PLA2R1: variants seen among roughly 807,000 people sequenced by gnomAD.
PLA2R1 encodes the protein secretory phospholipase A2 receptor.
In PLA2R1, 158 loss-of-function variants were observed where a neutral mutation model predicts 195.9. The ratio of observed to expected loss-of-function variants is 0.81; its 90% CI spans 0.71 to 0.92. The LOEUF (loss-of-function observed/expected upper bound fraction) is 0.92. PLA2R1 is among the 40% of genes least tolerant of loss of function. PLA2R1 has a pLI of 0.00. For synonymous variants in PLA2R1, 586 were observed against 598.2 expected (o/e 0.98, Z 0.30); for missense variants, 1,626 against 1,764.6 (o/e 0.92, Z 1.41).
chr2:159,926,557 G>T, the PLA2R1 span, among the ~76,000 whole-genome samples: 1 of 152,146 alleles, frequency 6.6e-6, no homozygotes, highest in Non-Finnish European at 1.5e-5. Flanking sequence ...AAAATGAAAT[G>T]GAAAGTTGGG....
chr2:159,934,832 A>C lies in PLA2R1; in HGVS notation c.*6946T>G, dbSNP rs1433285044. 7.9e-5 allele frequency: 12 copies of C among 152,334 alleles called. No homozygotes were observed. In the East Asian group the frequency reaches 2.3e-3, roughly 29 times the overall value. 9.4% of individuals were successfully genotyped at this position (152,334 alleles called of 1,614,324 possible). A position where few individuals can be genotyped will look rare whatever the true frequency, so the allele number is the denominator to read the frequency against. On this transcript the variant is annotated 3_prime_UTR_variant, in exon 30 of 30. Coordinates refer to ENST00000283243, the MANE Select transcript of PLA2R1 (RefSeq NM_007366.5). ...AAAACAAAGAAACTAATACTGGTAC[A>C]ATACTATTAATTAAACCATAGACTT...
intron 1 of PLA2R1, among the ~76,000 whole-genome samples, chr2:160,046,954 C>T (rs1315459123): frequency 1.3e-5 from 2 of 152,174 alleles, no homozygotes; most frequent in Non-Finnish European, 2.9e-5. Context: ...TTGTAACCTA[C>T]TAATCACTTT....
At chr2:160,003,676 T>C (rs904497633) in intron 11 of PLA2R1, among the ~76,000 whole-genome samples, 3 of 152,208 alleles carry the variant, frequency 2.0e-5, no homozygotes, top group African/African-American at 7.2e-5. Flanking sequence ...GCTGCCACTC[T>C]CAAATTTTGT....
At chr2:159,991,439 CTTTT>C (rs34466452) in intron 11 of PLA2R1, among the ~76,000 whole-genome samples, 2 of 136,022 alleles carry the variant, frequency 1.5e-5, no homozygotes, top group African/African-American at 2.7e-5. Context: ...CACTTTCTTT[CTTTT>C]TTTTTTTTTT....
the PLA2R1 span, among the ~76,000 whole-genome samples, chr2:159,926,663 G>A: frequency 6.6e-6 from 1 of 152,174 alleles, no homozygotes; most frequent in Non-Finnish European, 1.5e-5. Flanking sequence ...CCAGGAAATG[G>A]GTGGCTCACT....
At chr2:160,023,658 T>C (rs887497719) in intron 6 of PLA2R1, among the ~76,000 whole-genome samples, 1 of 152,352 alleles carries the variant, frequency 6.6e-6, no homozygotes, top group South Asian at 2.1e-4. Flanking sequence ...TCTTTATTCC[T>C]TTACTTTCCT....
chr2:159,959,410 AAT>A (rs2105183593), intron 20 of PLA2R1, among the ~76,000 whole-genome samples: 1 of 152,294 alleles, frequency 6.6e-6, no homozygotes, highest in Admixed American at 6.5e-5. Context: ...TGTTTCTAAA[AAT>A]ATAACATATT....
intron 17 of PLA2R1, among the ~76,000 whole-genome samples, chr2:159,971,979 C>T (rs1013313666): frequency 2.6e-5 from 4 of 152,088 alleles, no homozygotes; most frequent in Admixed American, 6.6e-5. Flanking sequence ...CATTGTCAGA[C>T]GTTGGAATGG....
At chr2:160,041,950 T>C in intron 3 of PLA2R1, 75 bp downstream of exon 3, 1 of 1,165,460 alleles carries the variant, frequency 8.6e-7, no homozygotes, top group Non-Finnish European at 1.2e-6. Context: ...CCAGTGCTTT[T>C]GTTTAGATAC....
intron 6 of PLA2R1, among the ~76,000 whole-genome samples, chr2:160,027,650 A>G (rs1019022869): frequency 2.0e-5 from 3 of 152,206 alleles, no homozygotes; most frequent in African/African-American, 7.2e-5. Flanking sequence ...ATTTGGAGCT[A>G]AGACATTAAT....
intron 1 of PLA2R1, among the ~76,000 whole-genome samples, chr2:160,047,407 C>G (rs773422467): frequency 1.3e-5 from 2 of 152,208 alleles, no homozygotes; most frequent in Non-Finnish European, 2.9e-5. Context: ...AGCTGCAGAC[C>G]TGGTTGAACC....
At chr2:160,011,191 TC>T (rs1045916574) in intron 10 of PLA2R1, among the ~76,000 whole-genome samples, 1 of 152,190 alleles carries the variant, frequency 6.6e-6, no homozygotes, top group Non-Finnish European at 1.5e-5. Context: ...TTGTATGAGG[TC>T]CCCAAAGGGT....
intron 11 of PLA2R1, among the ~76,000 whole-genome samples, chr2:160,004,979 G>GT (rs1413824562): frequency 6.6e-6 from 1 of 152,184 alleles, no homozygotes; most frequent in Non-Finnish European, 1.5e-5. Flanking sequence ...GTACTTTGAA[G>GT]TTTAACTGAC....
At position 160,008,518 on chromosome 2, in the gene PLA2R1, C is replaced by T. The variant is rs76429837; in HGVS notation, c.1665-2697G>A. 2.4e-4 allele frequency among the ~76,000 whole-genome samples: 37 copies of T among 152,218 alleles called. No homozygotes were observed. In the East Asian group the frequency reaches 6.7e-3, roughly 28 times the overall value. On this transcript the variant is annotated intron_variant, in intron 10 of 29. Transcript: ENST00000283243. ...ACTTGCAACAGAATGAAGTTAGACC[C>T]TTACCTTATACTATGCACAAAAATG...
chr2:160,021,718 C>T (rs1573913528), intron 7 of PLA2R1, among the ~76,000 whole-genome samples: 1 of 152,356 alleles, frequency 6.6e-6, no homozygotes, highest in African/African-American at 2.4e-5. Flanking sequence ...GGCCAGACTT[C>T]ACCACTGCAA....
chr2:160,047,278 A>C (rs993985305), intron 1 of PLA2R1, among the ~76,000 whole-genome samples: 20 of 152,172 alleles, frequency 1.3e-4, no homozygotes, highest in Admixed American at 1.3e-4. Context: ...GATGTTAAGG[A>C]TATTCCATTG....
At chr2:159,995,512 T>C (rs1691151917) in intron 11 of PLA2R1, among the ~76,000 whole-genome samples, 1 of 152,092 alleles carries the variant, frequency 6.6e-6, no homozygotes, top group Admixed American at 6.6e-5. Context: ...ATAGAAATGA[T>C]ACCTAAACTT....
At chr2:160,051,757 T>A (rs561704191) in intron 1 of PLA2R1, among the ~76,000 whole-genome samples, 1 of 152,222 alleles carries the variant, frequency 6.6e-6, no homozygotes, top group African/African-American at 2.4e-5. Flanking sequence ...GAATTTCTCA[T>A]GCTTGCAGCA....
chr2:160,022,566 C>A (rs1319174048), intron 7 of PLA2R1, 99 bp downstream of exon 7: 3 of 626,882 alleles, frequency 4.8e-6, no homozygotes, highest in Non-Finnish European at 5.2e-6. Context: ...CAATGAATAA[C>A]CACTTTTAAA....
Sources: allele counts gnomAD v4.1 joint callset (sites outside exome capture counted in the v4.1 genomes callset), GRCh38; gene constraint gnomAD v4.1.1; transcripts MANE v1.5; gene names NCBI Gene and HGNC (gene_info 2026-07-23, HGNC 2026-07-21).